Variants in CUX1 observed in about 807,000 individuals in gnomAD.
CUX1 encodes protein CASP.
CUX1 carries 31 observed loss-of-function variants against 158.8 expected under a neutral mutation model. The ratio of observed to expected loss-of-function variants is 0.20; its 90% CI spans 0.15 to 0.26. CUX1 has a LOEUF of 0.26. Ranked by LOEUF, CUX1 falls within the 10% of genes least tolerant of loss-of-function variation. The pLI is 1.00. For synonymous variants in CUX1, 879 were observed against 862.1 expected (o/e 1.02, Z -0.34); for missense variants, 1,589 against 2,014.6 (o/e 0.79, Z 4.04).
At chr7:102,178,045 C>T (rs1336866442) in intron 10 of CUX1, among the ~76,000 whole-genome samples, 2 of 152,106 alleles carry the variant, frequency 1.3e-5, no homozygotes, top group African/African-American at 4.8e-5. Flanking sequence ...GTCACCACCA[C>T]GTGCCTATAA....
chr7:101,884,325 T>C (rs1800010143), intron 1 of CUX1, among the ~76,000 whole-genome samples: 1 of 152,202 alleles, frequency 6.6e-6, no homozygotes, highest in Non-Finnish European at 1.5e-5. Flanking sequence ...TAGCCTACAG[T>C]CTTATTGATA....
downstream of CUX1, among the ~76,000 whole-genome samples, chr7:102,260,495 C>T (rs972144703): frequency 1.3e-5 from 2 of 148,854 alleles, no homozygotes; most frequent in East Asian, 2.0e-4. Context: ...CAACCTCCAC[C>T]GCCTGGGTTC....
At chr7:101,912,701 G>A (rs1013264194) in intron 1 of CUX1, among the ~76,000 whole-genome samples, 5 of 152,146 alleles carry the variant, frequency 3.3e-5, no homozygotes, top group African/African-American at 9.7e-5. Context: ...ATTGTGTTGC[G>A]GTTTGCTTTT....
chr7:101,917,580 C>A (rs1190253378), intron 2 of CUX1, among the ~76,000 whole-genome samples: 1 of 152,106 alleles, frequency 6.6e-6, no homozygotes, highest in Non-Finnish European at 1.5e-5. Flanking sequence ...GTCAGCCTTG[C>A]CATGAGTAAA....
chr7:101,906,903 C>T (rs1184987325), intron 1 of CUX1, among the ~76,000 whole-genome samples: 1 of 152,098 alleles, frequency 6.6e-6, no homozygotes, highest in East Asian at 1.9e-4. Flanking sequence ...TCTGCTGCCC[C>T]CCACTCCCGG....
chr7:102,192,959 G>T (rs574603617), intron 12 of CUX1, among the ~76,000 whole-genome samples: 1 of 152,358 alleles, frequency 6.6e-6, no homozygotes, highest in African/African-American at 2.4e-5. Context: ...CCCAGAGACC[G>T]TAGTGATCAG....
intron 3 of CUX1, 53 bp from the exon 4 acceptor site, chr7:102,070,286 T>TG: frequency 6.8e-7 from 1 of 1,472,738 alleles, no homozygotes. Flanking sequence ...AAATTACCTC[T>TG]TGACAAATGT....
At position 102,254,265 on chromosome 7, in the gene CUX1, A is replaced by G. The variant is rs556300440; in HGVS notation, c.*5223A>G. 1.1e-5 allele frequency: 11 copies of G among 985,364 alleles called. No homozygotes were observed. The highest frequency in any genetic ancestry group is 9.4e-5 in the South Asian group (2 of 21,260). The allele number at this position is 985,364 out of a possible 1,614,324, so 61.0% of individuals were successfully genotyped here. ...CAGTCCTGCTCAGCTGTTAAGATCC[A>G]TCATGGCCATTATCCTTGTCCCGGA... On this transcript the variant is annotated 3_prime_UTR_variant, in exon 24 of 24. Coordinates refer to ENST00000292535, the MANE Select transcript of CUX1 (RefSeq NM_181552.4).
chr7:102,192,974 C>T (rs1479842653), intron 12 of CUX1, among the ~76,000 whole-genome samples: 2 of 152,234 alleles, frequency 1.3e-5, no homozygotes, highest in Non-Finnish European at 2.9e-5. Context: ...GATCAGGGTG[C>T]GGCCCTTTTC....
intron 20 of CUX1, among the ~76,000 whole-genome samples, chr7:102,222,811 CT>C (rs71123016): frequency 0.025 from 639 of 25,490 alleles, 3 homozygotes; most frequent in Middle Eastern, 0.05. Flanking sequence ...GGCACCGTAT[CT>C]TTTTTTTTTT....
intron 1 of CUX1, among the ~76,000 whole-genome samples, chr7:101,906,200 G>C (rs1802734097): frequency 6.6e-6 from 1 of 151,982 alleles, no homozygotes; most frequent in Admixed American, 6.6e-5. Context: ...GAAATTCATA[G>C]TGAGCAAAAC....
chr7:102,083,095 A>C (rs986156098), intron 4 of CUX1, among the ~76,000 whole-genome samples: 2 of 146,680 alleles, frequency 1.4e-5, no homozygotes, highest in Admixed American at 1.4e-4. Flanking sequence ...CAGTTGTATT[A>C]TTTTATCCCC....
chr7:102,116,514 G>T (rs1048771797), intron 8 of CUX1, among the ~76,000 whole-genome samples: 26 of 152,070 alleles, frequency 1.7e-4, no homozygotes, highest in African/African-American at 6.3e-4. Context: ...GCATGGCAGT[G>T]TGCACCTGTA....
chr7:102,097,540 T>C, intron 5 of CUX1, 39 bp downstream of exon 5: 1 of 1,497,616 alleles, frequency 6.7e-7, no homozygotes, highest in Non-Finnish European at 8.8e-7. Flanking sequence ...TCTTTTCTTC[T>C]TTTTTTTCTC....
chr7:101,840,315 T>C (rs1176221954), intron 1 of CUX1, among the ~76,000 whole-genome samples: 1 of 152,210 alleles, frequency 6.6e-6, no homozygotes, highest in African/African-American at 2.4e-5. Context: ...TACATGGTGG[T>C]GGTGATAGAG....
intron 1 of CUX1, among the ~76,000 whole-genome samples, chr7:101,863,072 C>G (rs965429483): frequency 1.3e-5 from 2 of 151,988 alleles, no homozygotes; most frequent in African/African-American, 2.4e-5. Flanking sequence ...GAAACAAATC[C>G]CAGACATCAT....
intron 3 of CUX1, among the ~76,000 whole-genome samples, chr7:102,066,430 A>G (rs1825555849): frequency 6.6e-6 from 1 of 152,104 alleles, no homozygotes; most frequent in South Asian, 2.1e-4. Context: ...AAGAGACACA[A>G]TTCAACCCAT....
At chr7:102,115,118 C>A in intron 7 of CUX1, 89 bp from the exon 8 acceptor site, 1 of 1,152,702 alleles carries the variant, frequency 8.7e-7, no homozygotes, top group Non-Finnish European at 1.3e-6. Context: ...TCACAGAAAT[C>A]TTTGCCTCTT....
rs1554519762 is a variant in CUX1 at position 102,201,586 on chromosome 7, C to G, written c.2289C>G (p.Ser763=). The G allele has an allele frequency of 6.2e-7, 1 of 1,614,116 alleles. No homozygotes were observed. The highest frequency in any genetic ancestry group is 2.2e-5 in the East Asian group (1 of 44,864). The change falls in exon 18 of 24, where the codon TCC becomes TCG. Residue 763 remains serine, a synonymous_variant. Transcript: ENST00000292535. The surrounding 1 kb of genome is among the most constrained non-coding windows in gnomAD (Gnocchi z 5.0). ...TVSSYPPLAI[S]LKKPSAAPEA... is the part of the protein sequence containing the mutation. ...CCAGCTACCCACCTCTCGCCATCTC[C>G]CTGAAGAAGCCCTCCGCAGCTCCTG...
Sources: gnomAD v4.1 joint callset for allele counts (sites outside exome capture counted in the v4.1 genomes callset) on GRCh38, gnomAD v4.1.1 for gene constraint, Gnocchi (gnomAD v3.1) non-coding constraint, MANE v1.5 for transcripts, NCBI Gene and HGNC (gene_info 2026-07-23, HGNC 2026-07-21) for gene names.